The following ROR1 variants were observed in gnomAD, a reference collection of about 807,000 sequenced individuals.
ROR1 encodes the protein inactive tyrosine-protein kinase transmembrane receptor ROR1.
Under a neutral mutation model 78.8 loss-of-function variants are expected in ROR1, and 19 were observed. That is an observed-to-expected ratio of 0.24 (90% CI 0.17 to 0.35). The LOEUF (loss-of-function observed/expected upper bound fraction) is 0.35, where lower values mean the gene tolerates loss of function less well. ROR1 is among the 10% of genes least tolerant of loss of function. The pLI is 1.00. For synonymous variants in ROR1, 386 were observed against 433.6 expected, an observed-to-expected ratio of 0.89 and a Z score of 1.36; for missense variants, 917 against 1,177.8, an observed-to-expected ratio of 0.78 and a Z score of 3.24.
chr1:63,979,000 T>G (rs1309001442), intron 1 of ROR1, among the ~76,000 whole-genome samples: 1 of 152,056 alleles, frequency 6.6e-6, no homozygotes, highest in Non-Finnish European at 1.5e-5. Flanking sequence ...CTGGAGTAAT[T>G]CCCTCTTGCG....
chr1:63,931,198 C>T (rs1195230328), intron 1 of ROR1, among the ~76,000 whole-genome samples: 1 of 152,236 alleles, frequency 6.6e-6, no homozygotes, highest in Non-Finnish European at 1.5e-5. Context: ...ACGAGAATCA[C>T]TTGAACCTGG....
rs757823376 is a variant in ROR1 at position 64,137,353 on chromosome 1, C to G, written c.483-16C>G. 1.2e-6 allele frequency: 2 copies of G among 1,613,586 alleles called. No individual in the cohort carries two copies. Among genetic ancestry groups the G allele is most frequent in the South Asian group, 2.2e-5 (2 of 91,016 alleles). ...ATGTGGTGCATCAGCTAATGTCTGT[C>G]TATGCTTTCTTTCAGAGATGAGTAT... is the stretch of plus-strand genomic sequence containing the variant. On this transcript the variant is annotated splice_polypyrimidine_tract_variant and intron_variant, in intron 4 of 8. Coordinates refer to ENST00000371079, the MANE Select transcript of ROR1 (RefSeq NM_005012.4).
At chr1:63,823,203 C>T (rs1238537037) in intron 1 of ROR1, among the ~76,000 whole-genome samples, 2 of 152,078 alleles carry the variant, frequency 1.3e-5, no homozygotes, top group Non-Finnish European at 2.9e-5. Flanking sequence ...GAGGACAGAT[C>T]TTCTTTCCTT....
intron 1 of ROR1, among the ~76,000 whole-genome samples, chr1:63,893,616 CTT>C (rs1645416818): frequency 6.6e-6 from 1 of 152,068 alleles, no homozygotes; most frequent in South Asian, 2.1e-4. Context: ...CATATGGACT[CTT>C]ATTTTTTTTC....
At chr1:63,970,252 C>T (rs1427614917) in intron 1 of ROR1, among the ~76,000 whole-genome samples, 1 of 152,174 alleles carries the variant, frequency 6.6e-6, no homozygotes, top group Non-Finnish European at 1.5e-5. Flanking sequence ...CATTAAGACA[C>T]TGCTTGGTCT....
chr1:63,800,067 A>G lies in ROR1; in HGVS notation c.91+25559A>G, dbSNP rs376689627. On this transcript the variant is annotated intron_variant, in intron 1 of 8. Transcript: ENST00000371079. ...GTGAATATTTTCCTTTCCTTAGCTC[A>G]GGAGATGGGCAGGCAGCCAGGCTCA... 5.3e-4 allele frequency among the ~76,000 whole-genome samples: 80 copies of G among 152,318 alleles called. No individual in the cohort carries two copies. In the South Asian group the frequency reaches 0.015, roughly 28 times the overall value.
At chr1:63,952,952 G>A (rs1645952483) in intron 1 of ROR1, among the ~76,000 whole-genome samples, 1 of 152,142 alleles carries the variant, frequency 6.6e-6, no homozygotes, top group African/African-American at 2.4e-5. Flanking sequence ...GTTTTTACTT[G>A]GATGGTATCC....
intron 1 of ROR1, among the ~76,000 whole-genome samples, chr1:63,858,823 A>G (rs892758493): frequency 2.6e-5 from 4 of 152,168 alleles, no homozygotes; most frequent in African/African-American, 9.7e-5. Context: ...AATCTCTGTT[A>G]TCTCCCACTA....
intron 1 of ROR1, among the ~76,000 whole-genome samples, chr1:63,956,469 G>A (rs1021474949): frequency 6.6e-5 from 10 of 152,282 alleles, no homozygotes; most frequent in African/African-American, 2.4e-4. Flanking sequence ...AGTTAACGCA[G>A]GTGAAGGGCT....
At chr1:64,167,560 T>C (rs1433706777) in intron 8 of ROR1, among the ~76,000 whole-genome samples, 1 of 152,246 alleles carries the variant, frequency 6.6e-6, no homozygotes, top group Non-Finnish European at 1.5e-5. Context: ...TTTTAAAATG[T>C]AATCATTTCC....
chr1:63,882,375 C>A (rs984297045), intron 1 of ROR1, among the ~76,000 whole-genome samples: 3 of 152,094 alleles, frequency 2.0e-5, no homozygotes, highest in South Asian at 2.1e-4. Flanking sequence ...TGGCAGGCAC[C>A]CTTTAGAGCT....
At chr1:63,788,787 A>C in intron 1 of ROR1, 1 of 581,022 alleles carries the variant, frequency 1.7e-6, no homozygotes, top group South Asian at 1.5e-5. Flanking sequence ...GGCACTCTTT[A>C]TGGCGCTTGC....
At chr1:63,995,404 G>A (rs892723255) in intron 1 of ROR1, among the ~76,000 whole-genome samples, 1 of 152,108 alleles carries the variant, frequency 6.6e-6, no homozygotes, top group African/African-American at 2.4e-5. Context: ...TTGATTAAAT[G>A]AGCTGCCAAC....
chr1:64,152,035 A>G (rs541658562), intron 7 of ROR1, among the ~76,000 whole-genome samples: 2 of 152,312 alleles, frequency 1.3e-5, no homozygotes, highest in South Asian at 4.1e-4. Flanking sequence ...TCCACTTCAA[A>G]GTGATTATGG....
intron 1 of ROR1, chr1:63,843,206 C>G: frequency 6.9e-6 from 10 of 1,456,642 alleles, no homozygotes; most frequent in Non-Finnish European, 9.6e-6. Context: ...AAGGCTTGTC[C>G]TCTAGGGAGA....
At chr1:64,087,524 T>C (rs914457961) in intron 4 of ROR1, among the ~76,000 whole-genome samples, 2 of 152,218 alleles carry the variant, frequency 1.3e-5, no homozygotes, top group African/African-American at 4.8e-5. Context: ...ACCATTTATT[T>C]CTGTTTTGAT....
chr1:63,807,732 A>T (rs866225935), intron 1 of ROR1, among the ~76,000 whole-genome samples: 2 of 152,148 alleles, frequency 1.3e-5, no homozygotes, highest in Admixed American at 1.3e-4. Flanking sequence ...ACTGTTCAGT[A>T]CCAGGTGCAT....
chr1:64,139,851 T>A (rs534839699), intron 5 of ROR1, among the ~76,000 whole-genome samples: 1 of 149,270 alleles, frequency 6.7e-6, no homozygotes, highest in East Asian at 1.9e-4. Context: ...GTACTTTAAC[T>A]TAATTAATTT....
At chr1:64,175,201 C>T (rs184455433) in intron 8 of ROR1, among the ~76,000 whole-genome samples, 120 of 152,052 alleles carry the variant, frequency 7.9e-4, no homozygotes, top group African/African-American at 2.7e-3. Context: ...AGTATCCTTT[C>T]GTAGTTTCTT....
Sources: gnomAD v4.1 joint callset for allele counts (sites outside exome capture counted in the v4.1 genomes callset) on GRCh38, gnomAD v4.1.1 for gene constraint, MANE v1.5 for transcripts, NCBI Gene and HGNC (gene_info 2026-07-23, HGNC 2026-07-21) for gene names.